UIMC1: variants seen among roughly 807,000 people sequenced by gnomAD.
UIMC1 encodes BRCA1-A complex subunit RAP80.
UIMC1 carries 42 observed loss-of-function variants against 84.9 expected under a neutral mutation model. That is an observed-to-expected ratio of 0.49 (90% CI 0.39 to 0.64). The LOEUF (loss-of-function observed/expected upper bound fraction) is 0.64, where lower values mean the gene tolerates loss of function less well. UIMC1 is among the 30% of genes least tolerant of loss of function. The pLI is 0.00. For synonymous variants in UIMC1, 281 were observed against 293.0 expected (o/e 0.96, Z 0.42); for missense variants, 825 against 847.6 (o/e 0.97, Z 0.33).
chr5:176,933,085 G>A (rs76331447), intron 10 of UIMC1, among the ~76,000 whole-genome samples: 4,978 of 152,154 alleles, frequency 0.033, 292 homozygotes, highest in African/African-American at 0.11. Flanking sequence ...ACAAGAAGGG[G>A]GCTGCTGGCC....
intron 10 of UIMC1, among the ~76,000 whole-genome samples, chr5:176,914,015 TACCATACACCATACCATACCATAC>T: frequency 6.6e-6 from 1 of 150,968 alleles, no homozygotes; most frequent in African/African-American, 2.4e-5. Flanking sequence ...TAGCATACCA[TACCATACACCATACCATACCATAC>T]ACCATACCAT....
chr5:176,919,998 G>C (rs901675991), intron 10 of UIMC1, among the ~76,000 whole-genome samples: 1 of 152,044 alleles, frequency 6.6e-6, no homozygotes. Flanking sequence ...ACAAAAAAAA[G>C]TTAGCTGGGA....
rs759272325 is a variant in UIMC1, at chr5:176,951,474, C to T, written c.1443G>A (p.Glu481=). ...AAAAAATATAGAGGAAAATATTCAC[C>T]TCCTTATCTGCCATTATTATTCTGA... The part of the protein sequence containing the change: ...DGVRIIMADK[E]VGNKEDAEKE... Residue 481 remains glutamate, a splice_region_variant and synonymous_variant, in exon 9 of 15, where the codon GAG becomes GAA. Transcript: ENST00000511320. 1 of 1,521,338 alleles carries T rather than the reference C, an allele frequency of 6.6e-7. No homozygotes were observed. Among genetic ancestry groups the T allele is most frequent in the Non-Finnish European group, 8.8e-7 (1 of 1,137,508 alleles). 94.2% of individuals were successfully genotyped at this position (1,521,338 alleles called of 1,614,324 possible). A position where few individuals can be genotyped will look rare whatever the true frequency, so the allele number is the denominator to read the frequency against.
At chr5:176,977,582 C>CAAAAAA (rs1270486136) in intron 2 of UIMC1, among the ~76,000 whole-genome samples, 30 of 47,718 alleles carry the variant, frequency 6.3e-4, no homozygotes, top group East Asian at 2.0e-3. Context: ...GACTCCATCT[C>CAAAAAA]AAAAAAAAAA....
intron 6 of UIMC1, among the ~76,000 whole-genome samples, chr5:176,967,476 A>G (rs1299899246): frequency 6.6e-6 from 1 of 152,176 alleles, no homozygotes. Flanking sequence ...AGTAACACAA[A>G]TTTGAGTCCA....
At chr5:176,938,815 G>A (rs1284318639) in intron 10 of UIMC1, among the ~76,000 whole-genome samples, 1 of 152,102 alleles carries the variant, frequency 6.6e-6, no homozygotes, top group Non-Finnish European at 1.5e-5. Context: ...ATTTACTTGG[G>A]TACACAATTA....
At chr5:176,945,913 T>G (rs1765048225) in intron 9 of UIMC1, among the ~76,000 whole-genome samples, 1 of 152,208 alleles carries the variant, frequency 6.6e-6, no homozygotes, top group African/African-American at 2.4e-5. Flanking sequence ...CTGTTAGAAA[T>G]TACTGAGGAA....
At chr5:176,978,011 G>GA (rs574640564) in intron 2 of UIMC1, among the ~76,000 whole-genome samples, 1 of 151,780 alleles carries the variant, frequency 6.6e-6, no homozygotes, top group Non-Finnish European at 1.5e-5. Flanking sequence ...TTCTAAAGCA[G>GA]AAAAAAAGAC....
Position 176,984,078 on chromosome 5 carries a change from C to T in UIMC1, c.-8-1455G>A, listed in dbSNP as rs1160833647. Among the ~76,000 whole-genome samples the T allele has an allele frequency of 4.2e-5, 5 of 119,630 alleles. No homozygotes were observed. In the East Asian group the frequency reaches 7.9e-4, roughly 19 times the overall value. The allele number at this position is 119,630 out of a possible 152,430, so 78.5% of individuals were successfully genotyped here. Reference sequence around the variant, plus strand: ...GAGGAGTGCCTCTGCCCGGCCGCCCCGTCTGGGAAGTGAGGAGTGCCTCTG... The same window carrying T: ...GAGGAGTGCCTCTGCCCGGCCGCCCTGTCTGGGAAGTGAGGAGTGCCTCTG... On this transcript the variant is annotated intron_variant, in intron 1 of 14. Coordinates refer to ENST00000511320, the MANE Select transcript of UIMC1 (RefSeq NM_001199298.2).
At chr5:176,921,788 C>T (rs1761737240) in intron 10 of UIMC1, among the ~76,000 whole-genome samples, 1 of 152,156 alleles carries the variant, frequency 6.6e-6, no homozygotes, top group South Asian at 2.1e-4. Context: ...TTGCCCCATC[C>T]CTCTATAGAT....
In UIMC1 at chr5:176,970,777, C is replaced by T. The variant is rs749255907; in HGVS notation, c.322G>A (p.Glu108Lys). The change falls in exon 4 of 15, where the codon GAG becomes AAG. Residue 108 changes from glutamate (E) to lysine (K), a missense_variant. Coordinates refer to ENST00000511320, the MANE Select transcript of UIMC1 (RefSeq NM_001199298.2). The part of the protein sequence containing the change: ...EVNSQEEEEE[E>K]LLRKAIAESL... ...TCAGCAATGGCTTTCCTCAAGAGCTCCTCTTCTTCCTCCTCCTGGCTGTTC... is the reference window on the plus strand; with the variant it reads ...TCAGCAATGGCTTTCCTCAAGAGCTTCTCTTCTTCCTCCTCCTGGCTGTTC... 2.5e-6 allele frequency: 4 copies of T among 1,614,100 alleles called. 1 individual carries two copies. In the South Asian group the frequency reaches 3.3e-5, roughly 13 times the overall value.
chr5:177,014,635 T>C (rs1483231049), intron 1 of UIMC1, among the ~76,000 whole-genome samples: 1 of 151,856 alleles, frequency 6.6e-6, no homozygotes, highest in Non-Finnish European at 1.5e-5. Flanking sequence ...AGGGCAGAGG[T>C]TGCAGTGAGG....
Position 176,943,383 on chromosome 5 carries a change from T to C in UIMC1, c.1549A>G (p.Ile517Val), listed in dbSNP as rs762277314. ...TTGCAGTACATGGCATGTCGTTCAATCTTTGTGGGTGGAAAGCATTGGTCA... is the reference window on the plus strand; with the variant it reads ...TTGCAGTACATGGCATGTCGTTCAACCTTTGTGGGTGGAAAGCATTGGTCA... ...LCDQCFPPTK[I>V]ERHAMYCNGL... The change falls in exon 10 of 15, where the codon ATT becomes GTT. Residue 517 changes from isoleucine to valine, a missense_variant. Physicochemically the swap from Ile to Val is conservative, Grantham distance 29 (BLOSUM62 3). Coordinates refer to ENST00000511320, the MANE Select transcript of UIMC1 (RefSeq NM_001199298.2). 5.6e-6 allele frequency: 9 copies of C among 1,614,060 alleles called. No homozygotes were observed. Among genetic ancestry groups the C allele is most frequent in the Non-Finnish European group, 7.6e-6 (9 of 1,180,042 alleles).
intron 8 of UIMC1, among the ~76,000 whole-genome samples, chr5:176,953,551 C>T (rs974797569): frequency 1.4e-5 from 2 of 145,380 alleles, no homozygotes; most frequent in East Asian, 2.0e-4. Context: ...AAAAGGCTTA[C>T]AGGACATAAA....
At chr5:177,022,153 A>C (rs1775880034) in intron 1 of UIMC1, among the ~76,000 whole-genome samples, 1 of 152,090 alleles carries the variant, frequency 6.6e-6, no homozygotes, top group Non-Finnish European at 1.5e-5. Context: ...GGAAGATAAA[A>C]TTTGGGGTCT....
intron 1 of UIMC1, among the ~76,000 whole-genome samples, chr5:177,002,833 A>G (rs951926964): frequency 6.6e-6 from 1 of 152,084 alleles, no homozygotes; most frequent in African/African-American, 2.4e-5. Context: ...TTGATGAGTG[A>G]ATATTTCAAT....
At chr5:176,909,488 A>G (rs114902598) in intron 11 of UIMC1, among the ~76,000 whole-genome samples, 2,170 of 152,314 alleles carry the variant, frequency 0.014, 19 homozygotes, top group Non-Finnish European at 0.022. Flanking sequence ...ATGGTCTTAT[A>G]GGTAATAATT....
At chr5:176,963,288 A>G (rs1313033875) in intron 6 of UIMC1, among the ~76,000 whole-genome samples, 1 of 151,886 alleles carries the variant, frequency 6.6e-6, no homozygotes, top group Non-Finnish European at 1.5e-5. Flanking sequence ...TGGGAGGCCA[A>G]GGGGGGCGGA....
At chr5:176,942,618 C>T (rs1293812076) in intron 10 of UIMC1, among the ~76,000 whole-genome samples, 1 of 151,628 alleles carries the variant, frequency 6.6e-6, no homozygotes, top group Non-Finnish European at 1.5e-5. Flanking sequence ...TGGTGGCAGG[C>T]ACCTGTAGTC....
Sources: allele counts gnomAD v4.1 joint callset (sites outside exome capture counted in the v4.1 genomes callset), GRCh38; gene constraint gnomAD v4.1.1; transcripts MANE v1.5; gene names NCBI Gene and HGNC (gene_info 2026-07-23, HGNC 2026-07-21).